Variants in TSHR observed in about 807,000 individuals in gnomAD.
TSHR encodes the protein thyrotropin receptor.
Under a neutral mutation model 64.1 loss-of-function variants are expected in TSHR, and 51 were observed. That is an observed-to-expected ratio of 0.80 (90% CI 0.64 to 1.01). TSHR has a LOEUF of 1.01. Ranked by LOEUF, TSHR falls within the 50% of genes least tolerant of loss-of-function variation. TSHR has a pLI of 0.00. For synonymous variants in TSHR, 361 were observed against 361.9 expected (o/e 1.00, Z 0.03); for missense variants, 877 against 942.8 (o/e 0.93, Z 0.91).
At chr14:80,982,141 C>A in intron 1 of TSHR, 1 of 577,022 alleles carries the variant, frequency 1.7e-6, no homozygotes, top group Non-Finnish European at 3.2e-6. Context: ...GGGTCTCTGA[C>A]AGATGCAGTG....
intron 6 of TSHR, among the ~76,000 whole-genome samples, chr14:81,092,982 T>C (rs1888877333): frequency 6.6e-6 from 1 of 152,212 alleles, no homozygotes; most frequent in African/African-American, 2.4e-5. Flanking sequence ...ACTTTATTTA[T>C]AGAAAGAGGC....
At chr14:80,977,982 C>T (rs986632650) in intron 1 of TSHR, among the ~76,000 whole-genome samples, 1 of 152,122 alleles carries the variant, frequency 6.6e-6, no homozygotes, top group African/African-American at 2.4e-5. Context: ...TTTATCTCAG[C>T]ATTAGCTGGC....
chr14:81,014,815 C>T (rs928851668), intron 1 of TSHR, among the ~76,000 whole-genome samples: 1 of 152,176 alleles, frequency 6.6e-6, no homozygotes, highest in Non-Finnish European at 1.5e-5. Flanking sequence ...CCTTCCAAAG[C>T]CTTGGTTCTT....
At chr14:81,007,063 G>A (rs950408590) in intron 1 of TSHR, among the ~76,000 whole-genome samples, 5 of 152,150 alleles carry the variant, frequency 3.3e-5, no homozygotes, top group South Asian at 2.1e-4. Context: ...TTTTGTCACT[G>A]TTATGTATTT....
intron 1 of TSHR, among the ~76,000 whole-genome samples, chr14:81,021,945 T>C (rs1883775267): frequency 6.6e-6 from 1 of 152,108 alleles, no homozygotes; most frequent in Non-Finnish European, 1.5e-5. Context: ...ATCCAATGCA[T>C]GGACTTGAAA....
intron 1 of TSHR, chr14:81,001,597 C>G: frequency 1.9e-6 from 1 of 525,102 alleles, no homozygotes; most frequent in East Asian, 5.2e-5. Context: ...TGGGCACTAC[C>G]AACTCCCCCA....
intron 1 of TSHR, among the ~76,000 whole-genome samples, chr14:81,000,393 A>T (rs907609008): frequency 8.6e-5 from 13 of 151,798 alleles, no homozygotes; most frequent in Admixed American, 6.6e-5. Context: ...ACTGCTGGGA[A>T]CACCAGGAAT....
intron 1 of TSHR, chr14:81,053,592 A>C (rs1210340151): frequency 6.6e-6 from 1 of 152,200 alleles, no homozygotes; most frequent in Non-Finnish European, 1.5e-5. Flanking sequence ...TGTAGAGTTG[A>C]CTGGAACTCC....
intron 1 of TSHR, among the ~76,000 whole-genome samples, chr14:80,998,272 C>T (rs554308009): frequency 6.6e-6 from 1 of 152,138 alleles, no homozygotes; most frequent in East Asian, 1.9e-4. Context: ...GGCAGGCAAT[C>T]ATTCATATGT....
intron 6 of TSHR, chr14:81,095,628 A>G (rs138675234): frequency 2.5e-4 from 38 of 152,326 alleles, no homozygotes; most frequent in African/African-American, 8.2e-4. Context: ...TCCTAGACCA[A>G]TGTGTTTTTG....
intron 1 of TSHR, among the ~76,000 whole-genome samples, chr14:80,984,940 T>C (rs1448017416): frequency 1.3e-5 from 2 of 152,228 alleles, no homozygotes; most frequent in East Asian, 1.9e-4. Context: ...CATTGTTTTA[T>C]ATCCTGAATT....
intron 8 of TSHR, among the ~76,000 whole-genome samples, chr14:81,125,879 T>A (rs943901473): frequency 1.3e-5 from 2 of 151,216 alleles, no homozygotes; most frequent in African/African-American, 4.9e-5. Flanking sequence ...CACGCTCACA[T>A]CTCCAGAGGC....
At chr14:81,096,995 T>C (rs971393890) in intron 7 of TSHR, among the ~76,000 whole-genome samples, 4 of 151,892 alleles carry the variant, frequency 2.6e-5, no homozygotes, top group Non-Finnish European at 5.9e-5. Context: ...AGGATATCTT[T>C]AATGAAGCCC....
chr14:81,097,556 G>A (rs10149992), intron 7 of TSHR, among the ~76,000 whole-genome samples: 33,096 of 152,026 alleles, frequency 0.22, 4,847 homozygotes, highest in African/African-American at 0.41. Flanking sequence ...AGGTGATGCC[G>A]ACACTGCTGT....
At chr14:80,961,848 T>G (rs944039185) in intron 1 of TSHR, among the ~76,000 whole-genome samples, 1 of 152,252 alleles carries the variant, frequency 6.6e-6, no homozygotes, top group East Asian at 1.9e-4. Flanking sequence ...ATTTCCCATA[T>G]AGTTTAATCA....
At chr14:81,083,029 GAAA>G (rs10586150) in intron 3 of TSHR, among the ~76,000 whole-genome samples, 3 of 151,390 alleles carry the variant, frequency 2.0e-5, no homozygotes, top group East Asian at 1.9e-4. Flanking sequence ...TTAGTGGTTG[GAAA>G]AAAAAAAAGT....
At chr14:81,111,450 T>C (rs181779640) in intron 8 of TSHR, among the ~76,000 whole-genome samples, 64 of 152,278 alleles carry the variant, frequency 4.2e-4, no homozygotes, top group Admixed American at 1.6e-3. Context: ...TCCCCAAACC[T>C]CTTTGGGTTC....
At chr14:81,012,070 C>A (rs1889940536) in intron 1 of TSHR, 1 of 151,798 alleles carries the variant, frequency 6.6e-6, no homozygotes. Flanking sequence ...AGGTATATCT[C>A]CCAATGCTAT....
chr14:81,113,686 TGA>T (rs528324563), intron 8 of TSHR, among the ~76,000 whole-genome samples: 2 of 150,512 alleles, frequency 1.3e-5, no homozygotes, highest in Non-Finnish European at 2.9e-5. Context: ...GAGTAAATGA[TGA>T]ATGTCTTCAA....
Sources: allele counts gnomAD v4.1 joint callset (sites outside exome capture counted in the v4.1 genomes callset), GRCh38; gene constraint gnomAD v4.1.1; transcripts MANE v1.5; gene names NCBI Gene and HGNC (gene_info 2026-07-23, HGNC 2026-07-21).